The following TAFA5 variants were observed in gnomAD, a reference collection of about 807,000 sequenced individuals.
The protein encoded by TAFA5 is TAFA chemokine like family member 5.
TAFA5 carries 6 observed loss-of-function variants against 15.3 expected under a neutral mutation model. That is an observed-to-expected ratio of 0.39 (90% confidence interval 0.21 to 0.77). The LOEUF (loss-of-function observed/expected upper bound fraction) is 0.77. Ranked by LOEUF, TAFA5 falls within the 30% of genes least tolerant of loss-of-function variation. The probability of loss-of-function intolerance (pLI) is 0.41; values close to 1 mark genes in which losing one functional copy is unlikely to be tolerated. For synonymous variants in TAFA5, 103 were observed against 80.7 expected, an observed-to-expected ratio of 1.28 and a Z score of -1.48; for missense variants, 161 against 193.1, an observed-to-expected ratio of 0.83 and a Z score of 0.98.
At chr22:48,525,190 T>G (rs1921737631) in intron 1 of TAFA5, among the ~76,000 whole-genome samples, 1 of 152,100 alleles carries the variant, frequency 6.6e-6, no homozygotes, top group Non-Finnish European at 1.5e-5. Flanking sequence ...CCATGTAGGG[T>G]GACCCGGTGA....
intron 1 of TAFA5, among the ~76,000 whole-genome samples, chr22:48,629,064 C>T (rs191590852): frequency 5.3e-5 from 8 of 152,300 alleles, no homozygotes; most frequent in Non-Finnish European, 1.0e-4. Context: ...CTGGCCCCTC[C>T]GCAGGCCCTG....
chr22:48,724,666 G>T (rs922844769), intron 3 of TAFA5, among the ~76,000 whole-genome samples: 46 of 152,124 alleles, frequency 3.0e-4, no homozygotes, highest in African/African-American at 1.0e-3. Flanking sequence ...CAAAGGAGTG[G>T]AAGCCCGTGC....
chr22:48,687,406 A>C (rs1343338390), intron 2 of TAFA5, among the ~76,000 whole-genome samples: 1 of 138,098 alleles, frequency 7.2e-6, no homozygotes, highest in African/African-American at 2.7e-5. Context: ...GAATGGATAG[A>C]TAGATGGGTG....
At chr22:48,667,439 T>TCCTG (rs1293178858) in intron 2 of TAFA5, among the ~76,000 whole-genome samples, 2,055 of 152,334 alleles carry the variant, frequency 0.013, 46 homozygotes, top group East Asian at 0.066. Flanking sequence ...GTAACTGTGA[T>TCCTG]ATCAATATAT....
At chr22:48,529,943 C>T (rs1921917271) in intron 1 of TAFA5, among the ~76,000 whole-genome samples, 1 of 152,104 alleles carries the variant, frequency 6.6e-6, no homozygotes, top group Non-Finnish European at 1.5e-5. Flanking sequence ...GACAACCCTT[C>T]TCCCTTCACA....
intron 3 of TAFA5, among the ~76,000 whole-genome samples, chr22:48,723,128 G>C (rs1929619062): frequency 6.6e-6 from 1 of 152,088 alleles, no homozygotes; most frequent in Admixed American, 6.6e-5. Context: ...CCGTCTTCTT[G>C]GCTGGTGTGT....
intron 2 of TAFA5, among the ~76,000 whole-genome samples, chr22:48,664,453 T>G (rs781001997): frequency 4.1e-4 from 63 of 152,350 alleles, no homozygotes; most frequent in South Asian, 2.1e-3. Flanking sequence ...GTAGACATAT[T>G]CTGAAGAGAT....
At chr22:48,694,806 G>A (rs1309657206) in intron 2 of TAFA5, among the ~76,000 whole-genome samples, 45 of 27,208 alleles carry the variant, frequency 1.7e-3, no homozygotes, top group Non-Finnish European at 2.8e-3. Flanking sequence ...CCAGACCTCC[G>A]CCCCCACCCG....
chr22:48,585,020 CCACA>C (rs909036145), intron 1 of TAFA5, among the ~76,000 whole-genome samples: 1 of 135,284 alleles, frequency 7.4e-6, no homozygotes, highest in Non-Finnish European at 1.6e-5. Context: ...GCAGAATACA[CCACA>C]CACACTAGAT....
In TAFA5 at chr22:48,725,191, A is replaced by G. The variant is rs575673306; in HGVS notation, c.390+17347A>G. 5.3e-5 allele frequency among the ~76,000 whole-genome samples: 8 copies of G among 152,350 alleles called. No individual in the cohort carries two copies. In the East Asian group the frequency reaches 1.5e-3, roughly 29 times the overall value. ...CCTTTCAGGCCATCCCGGAGTGGGC[A>G]GGGCTTCCCACACCTGCAGGAACCA... On this transcript the variant is annotated intron_variant, in intron 3 of 3. Coordinates refer to ENST00000402357, the MANE Select transcript of TAFA5 (RefSeq NM_001082967.3).
intron 1 of TAFA5, chr22:48,576,312 A>C: frequency 7.4e-6 from 8 of 1,087,782 alleles, no homozygotes; most frequent in African/African-American, 1.7e-5. Context: ...CCAGAAAGAC[A>C]CAAATCGCCT....
intron 1 of TAFA5, among the ~76,000 whole-genome samples, chr22:48,615,194 T>C (rs1925554410): frequency 6.6e-6 from 1 of 152,146 alleles, no homozygotes; most frequent in Admixed American, 6.5e-5. Flanking sequence ...GTGAGAGAGC[T>C]GCGTTGGGGA....
intron 1 of TAFA5, among the ~76,000 whole-genome samples, chr22:48,491,799 A>G (rs1928162746): frequency 1.3e-5 from 2 of 152,252 alleles, no homozygotes; most frequent in African/African-American, 4.8e-5. Context: ...CCTGCTGCTT[A>G]GACACGCTGA....
chr22:48,672,162 C>T (rs1927823557), intron 2 of TAFA5, among the ~76,000 whole-genome samples: 1 of 152,214 alleles, frequency 6.6e-6, no homozygotes, highest in Admixed American at 6.5e-5. Flanking sequence ...GTGTCAACAG[C>T]CTTTGTTCTT....
At chr22:48,649,432 G>A (rs1444146305) in intron 2 of TAFA5, among the ~76,000 whole-genome samples, 6 of 152,198 alleles carry the variant, frequency 3.9e-5, no homozygotes, top group Non-Finnish European at 7.3e-5. Context: ...AGCCATCAGA[G>A]GCTTCTGGTG....
intron 1 of TAFA5, among the ~76,000 whole-genome samples, chr22:48,547,621 G>A (rs1922721870): frequency 6.6e-6 from 1 of 152,116 alleles, no homozygotes; most frequent in Admixed American, 6.5e-5. Context: ...CTTATGTACC[G>A]GCCCTTGGTT....
At chr22:48,578,090 T>C (rs1270760253) in intron 1 of TAFA5, among the ~76,000 whole-genome samples, 1 of 152,172 alleles carries the variant, frequency 6.6e-6, no homozygotes, top group Non-Finnish European at 1.5e-5. Context: ...CTGGGCCTGT[T>C]TGTGTTCGCG....
Position 48,699,202 on chromosome 22 carries a change from G to A in TAFA5, c.263-8515G>A, listed in dbSNP as rs549435238. Among the ~76,000 whole-genome samples the A allele has an allele frequency of 2.0e-5, 3 of 152,196 alleles. No individual in the cohort carries two copies. In the South Asian group the frequency reaches 6.2e-4, roughly 32 times the overall value. On this transcript the variant is annotated intron_variant, in intron 2 of 3. Coordinates refer to ENST00000402357, the MANE Select transcript of TAFA5 (RefSeq NM_001082967.3). Reference sequence around the variant, plus strand: ...CTAGCCTGGGCCTCCCAAAGTGCTGGGATTACAGGCGTGAGCCACCGTGCC... The same window carrying A: ...CTAGCCTGGGCCTCCCAAAGTGCTGAGATTACAGGCGTGAGCCACCGTGCC...
chr22:48,525,467 A>G (rs901111700), intron 1 of TAFA5, among the ~76,000 whole-genome samples: 2 of 151,758 alleles, frequency 1.3e-5, no homozygotes. Context: ...CGCCTTCTGG[A>G]CTCTGCTTCC....
Sources: allele counts gnomAD v4.1 joint callset (sites outside exome capture counted in the v4.1 genomes callset), GRCh38; gene constraint gnomAD v4.1.1; transcripts MANE v1.5; gene names NCBI Gene and HGNC (gene_info 2026-07-23, HGNC 2026-07-21).